The following C17orf67 variants were observed in gnomAD, a reference collection of about 807,000 sequenced individuals.
C17orf67 encodes the protein uncharacterized protein C17orf67.
C17orf67 carries 12 observed loss-of-function variants against 11.2 expected under a neutral mutation model. The observed-to-expected ratio is 1.07, with a 90% CI of 0.68 to 1.73. The LOEUF is 1.73. Ranked by LOEUF, C17orf67 falls within the 40% of genes most tolerant of loss-of-function variation. The pLI is 0.00. For synonymous variants in C17orf67, 59 were observed against 46.9 expected, an observed-to-expected ratio of 1.26 and a Z score of -1.05; for missense variants, 115 against 113.5, an observed-to-expected ratio of 1.01 and a Z score of -0.06.
Position 56,815,838 on chromosome 17 carries a change from G to C in C17orf67, c.-28C>G, listed in dbSNP as rs1241037292. 6.2e-7 allele frequency: 1 copy of C among 1,613,466 alleles called. No homozygotes were observed. Among genetic ancestry groups the C allele is most frequent in the African/African-American group, 1.3e-5 (1 of 74,882 alleles). Reference sequence around the variant, plus strand: ...TGCCTTGGTTCCTCTGCCTCTTGCTGAGTGAATCCTCCCAGACTGAGTCAG... The same window carrying C: ...TGCCTTGGTTCCTCTGCCTCTTGCTCAGTGAATCCTCCCAGACTGAGTCAG... On this transcript the variant is annotated 5_prime_UTR_variant, in exon 5 of 8. Transcript: ENST00000397861.
intron 4 of C17orf67, among the ~76,000 whole-genome samples, chr17:56,821,055 G>A (rs889231981): frequency 2.0e-5 from 3 of 151,958 alleles, no homozygotes; most frequent in Admixed American, 6.6e-5. Context: ...AACCACAGGC[G>A]TGCACTACCA....
Position 56,795,025 on chromosome 17 carries a change from G to A in C17orf67, c.*20+19C>T, listed in dbSNP as rs189941479. ...ACCACTCCCTCAGACAGAGGTCCGG[G>A]AGAGAGAAGGAGACGTACCGAGGCT... On this transcript the variant is annotated intron_variant, in intron 7 of 7. Coordinates refer to ENST00000397861, the MANE Select transcript of C17orf67 (RefSeq NM_001085430.4). The A allele has an allele frequency of 6.6e-5, 102 of 1,547,930 alleles. No individual in the cohort carries two copies. In the Middle Eastern group the frequency reaches 1.3e-3, roughly 20 times the overall value.
intron 5 of C17orf67, among the ~76,000 whole-genome samples, chr17:56,815,419 A>C (rs1905735537): frequency 6.6e-6 from 1 of 152,194 alleles, no homozygotes; most frequent in South Asian, 2.1e-4. Flanking sequence ...AAGTGCTTTG[A>C]TAATTACTTG....
intron 6 of C17orf67, among the ~76,000 whole-genome samples, chr17:56,799,167 C>T (rs1354367940): frequency 6.6e-6 from 1 of 152,220 alleles, no homozygotes; most frequent in Non-Finnish European, 1.5e-5. Context: ...CACACACAAA[C>T]CCTAGCACTA....
At chr17:56,815,081 G>A (rs912613243) in intron 5 of C17orf67, 112 bp from the exon 6 acceptor site, 134 of 887,348 alleles carry the variant, frequency 1.5e-4, no homozygotes, top group Admixed American at 2.0e-4. Context: ...AAACATGAAA[G>A]TTCTTTCCCG....
chr17:56,828,567 A>G (rs1374754074), intron 2 of C17orf67, among the ~76,000 whole-genome samples: 1 of 152,230 alleles, frequency 6.6e-6, no homozygotes, highest in African/African-American at 2.4e-5. Context: ...CATACAGAAG[A>G]GTTTATAAAC....
chr17:56,832,743 A>C (rs1266583522), intron 2 of C17orf67, among the ~76,000 whole-genome samples, 155 bp downstream of exon 2: 2 of 152,182 alleles, frequency 1.3e-5, no homozygotes, highest in African/African-American at 4.8e-5. Flanking sequence ...AGTTCCGTTC[A>C]CGAGGTACCT....
chr17:56,810,313 CT>C (rs1478710774), intron 6 of C17orf67, among the ~76,000 whole-genome samples: 6 of 148,538 alleles, frequency 4.0e-5, no homozygotes, highest in African/African-American at 1.2e-4. Flanking sequence ...ACACATACCC[CT>C]CATACAATTC....
chr17:56,826,559 G>A (rs1269376967), intron 2 of C17orf67, among the ~76,000 whole-genome samples: 1 of 152,148 alleles, frequency 6.6e-6, no homozygotes, highest in African/African-American at 2.4e-5. Flanking sequence ...AAATACTTCA[G>A]CCTCCAAACT....
intron 6 of C17orf67, among the ~76,000 whole-genome samples, chr17:56,810,967 G>A (rs1905608412): frequency 6.6e-6 from 1 of 152,240 alleles, no homozygotes; most frequent in Non-Finnish European, 1.5e-5. Flanking sequence ...GCGTGAGTGG[G>A]TCAAATGGTA....
At chr17:56,830,563 T>G (rs1163667358) in intron 2 of C17orf67, among the ~76,000 whole-genome samples, 1 of 152,162 alleles carries the variant, frequency 6.6e-6, no homozygotes, top group Admixed American at 6.5e-5. Context: ...TGGACAACAT[T>G]GGGGAACCCC....
intron 2 of C17orf67, among the ~76,000 whole-genome samples, chr17:56,827,155 T>C (rs2144151487): frequency 6.6e-6 from 1 of 152,368 alleles, no homozygotes; most frequent in South Asian, 2.1e-4. Flanking sequence ...CATTCAAAAC[T>C]GTGCCAGCTC....
chr17:56,809,727 T>C (rs1205462466), intron 6 of C17orf67, among the ~76,000 whole-genome samples: 3 of 117,110 alleles, frequency 2.6e-5, no homozygotes, highest in African/African-American at 1.0e-4. Context: ...ACATACACCC[T>C]CACACCCCTC....
chr17:56,797,708 T>C (rs902097306), intron 6 of C17orf67, among the ~76,000 whole-genome samples: 3 of 152,258 alleles, frequency 2.0e-5, no homozygotes, highest in South Asian at 2.1e-4. Flanking sequence ...ATCCTTTGCA[T>C]GAAATTTTTG....
intron 4 of C17orf67, 41 bp from the exon 5 acceptor site, chr17:56,816,051 G>T: frequency 1.6e-6 from 1 of 624,554 alleles, no homozygotes; most frequent in Non-Finnish European, 2.5e-6. Flanking sequence ...GACTTTCAGA[G>T]CTTGAATCTG....
chr17:56,819,897 G>A (rs1212452821), intron 4 of C17orf67, among the ~76,000 whole-genome samples: 1 of 152,228 alleles, frequency 6.6e-6, no homozygotes, highest in Non-Finnish European at 1.5e-5. Context: ...AGGGGAAAGA[G>A]CTCAAGGCCA....
At chr17:56,808,559 C>T (rs540048509) in intron 6 of C17orf67, among the ~76,000 whole-genome samples, 2 of 152,288 alleles carry the variant, frequency 1.3e-5, no homozygotes, top group South Asian at 2.1e-4. Flanking sequence ...GCAAGATGTC[C>T]GTGCTCCTCT....
chr17:56,806,224 T>C (rs1195162875), intron 6 of C17orf67, among the ~76,000 whole-genome samples: 3 of 152,160 alleles, frequency 2.0e-5, no homozygotes, highest in Non-Finnish European at 2.9e-5. Context: ...TCCGGCCGCC[T>C]CAGCCTCCCA....
intron 4 of C17orf67, among the ~76,000 whole-genome samples, chr17:56,819,027 TAGAC>T (rs1222159344): frequency 6.6e-6 from 1 of 152,224 alleles, no homozygotes; most frequent in Non-Finnish European, 1.5e-5. Flanking sequence ...AAGTATCAGT[TAGAC>T]CTCATCACTT....
Sources: gnomAD v4.1 joint callset for allele counts (sites outside exome capture counted in the v4.1 genomes callset) on GRCh38, gnomAD v4.1.1 for gene constraint, MANE v1.5 for transcripts, NCBI Gene and HGNC (gene_info 2026-07-23, HGNC 2026-07-21) for gene names.